RBFOX1: variants seen among roughly 807,000 people sequenced by gnomAD.
RBFOX1 encodes the protein RNA binding fox-1 homolog 1, also known as RNA binding protein fox-1 homolog 1.
A neutral mutation model predicts 57.7 loss-of-function variants in RBFOX1; 8 were observed. That is an observed-to-expected ratio of 0.14 (90% confidence interval 0.08 to 0.25). The LOEUF is 0.25. Among genes scored for constraint, RBFOX1 ranks in the 10% least tolerant of loss-of-function variants. The pLI, the probability that RBFOX1 is intolerant of heterozygous loss-of-function variation, is 1.00. For synonymous variants in RBFOX1, 326 were observed against 222.4 expected (o/e 1.47, Z -4.15); for missense variants, 611 against 548.5 (o/e 1.11, Z -1.14).
chr16:6,425,996 T>A (rs1477409753), intron 2 of RBFOX1, among the ~76,000 whole-genome samples: 1 of 152,132 alleles, frequency 6.6e-6, no homozygotes, highest in Non-Finnish European at 1.5e-5. Context: ...ACACCTCATC[T>A]ATTTAATGTT....
intron 4 of RBFOX1, among the ~76,000 whole-genome samples, chr16:7,218,864 C>G (rs2092487575): frequency 6.6e-6 from 1 of 152,076 alleles, no homozygotes; most frequent in Admixed American, 6.5e-5. Flanking sequence ...ACCTGACTCA[C>G]CCCTCCAGCC....
chr16:6,184,175 G>T (rs891166431), intron 1 of RBFOX1, among the ~76,000 whole-genome samples: 12 of 152,154 alleles, frequency 7.9e-5, no homozygotes, highest in Admixed American at 7.2e-4. Context: ...CCATGATTCA[G>T]TTACCTCCCA....
intron 4 of RBFOX1, among the ~76,000 whole-genome samples, chr16:7,187,690 C>CAAAAAAAA (rs536529201): frequency 1.8e-4 from 13 of 72,566 alleles, no homozygotes; most frequent in South Asian, 5.9e-4. Flanking sequence ...CTCTGTCTCA[C>CAAAAAAAA]AAAAAAAAAA....
At chr16:5,768,059 C>G (rs1351886443) in intron 3 of RBFOX1, among the ~76,000 whole-genome samples, 1 of 152,146 alleles carries the variant, frequency 6.6e-6, no homozygotes, top group East Asian at 1.9e-4. Context: ...TAACCCATTT[C>G]TATTTCCAAG....
At chr16:5,476,115 G>A in intron 2 of RBFOX1, among the ~76,000 whole-genome samples, 1 of 152,096 alleles carries the variant, frequency 6.6e-6, no homozygotes, top group Non-Finnish European at 1.5e-5. Context: ...CAGACTTTGA[G>A]ACCAGCACCA....
At chr16:5,434,798 A>G (rs1381012873) in intron 1 of RBFOX1, among the ~76,000 whole-genome samples, 1 of 152,178 alleles carries the variant, frequency 6.6e-6, no homozygotes, top group Non-Finnish European at 1.5e-5. Context: ...TTATATAACT[A>G]ATATCATTTA....
At chr16:7,010,177 C>G (rs2093583566) in intron 3 of RBFOX1, among the ~76,000 whole-genome samples, 1 of 152,358 alleles carries the variant, frequency 6.6e-6, no homozygotes, top group East Asian at 1.9e-4. Flanking sequence ...GCTGTGAATA[C>G]TATGAGGGTC....
At chr16:5,429,521 C>A (rs1485345740) in intron 1 of RBFOX1, among the ~76,000 whole-genome samples, 1 of 152,124 alleles carries the variant, frequency 6.6e-6, no homozygotes, top group African/African-American at 2.4e-5. Context: ...GGAGAGGGAC[C>A]CAAAGCACAG....
chr16:6,821,533 T>G (rs1385418116), intron 3 of RBFOX1, among the ~76,000 whole-genome samples: 1 of 152,200 alleles, frequency 6.6e-6, no homozygotes, highest in Non-Finnish European at 1.5e-5. Context: ...CCCATGCCTA[T>G]TAATCAGATG....
chr16:5,878,474 C>A (rs1310180754), intron 4 of RBFOX1, among the ~76,000 whole-genome samples: 1 of 152,158 alleles, frequency 6.6e-6, no homozygotes, highest in Non-Finnish European at 1.5e-5. Flanking sequence ...GTATTTGATT[C>A]TATGCAATTT....
intron 3 of RBFOX1, among the ~76,000 whole-genome samples, chr16:6,802,289 C>A (rs1200251592): frequency 1.3e-5 from 2 of 152,072 alleles, no homozygotes. Context: ...GTTAGTGAGA[C>A]CTGATTTGCC....
At chr16:7,614,266 T>C (rs1200159323) in intron 10 of RBFOX1, 1 of 152,230 alleles carries the variant, frequency 6.6e-6, no homozygotes, top group African/African-American at 2.4e-5. Context: ...AGCCTGGAAA[T>C]GTTCCACTTC....
chr16:6,697,825 AC>A (rs1176946173), intron 3 of RBFOX1, among the ~76,000 whole-genome samples: 2 of 152,196 alleles, frequency 1.3e-5, no homozygotes, highest in Non-Finnish European at 2.9e-5. Flanking sequence ...TACATGGCCC[AC>A]CTTTAGCCTT....
At chr16:5,841,381 A>G (rs959577702) in intron 3 of RBFOX1, among the ~76,000 whole-genome samples, 2 of 152,160 alleles carry the variant, frequency 1.3e-5, no homozygotes, top group African/African-American at 2.4e-5. Context: ...CCGATCATCC[A>G]TCTATCCATC....
chr16:7,473,423 T>G (rs1367029745), intron 4 of RBFOX1, among the ~76,000 whole-genome samples: 1 of 148,028 alleles, frequency 6.8e-6, no homozygotes, highest in African/African-American at 2.5e-5. Flanking sequence ...TATATATACA[T>G]AGTATATAAT....
intron 3 of RBFOX1, among the ~76,000 whole-genome samples, chr16:6,969,527 G>C (rs1287078464): frequency 6.6e-6 from 1 of 151,994 alleles, no homozygotes; most frequent in African/African-American, 2.4e-5. Flanking sequence ...TTGAGCTCGG[G>C]AGTTTGAGAC....
At chr16:5,257,417 G>A (rs1311340724) in intron 1 of RBFOX1, among the ~76,000 whole-genome samples, 1 of 152,206 alleles carries the variant, frequency 6.6e-6, no homozygotes, top group Non-Finnish European at 1.5e-5. Context: ...CTGCATTGCT[G>A]TAAACGTGCA....
chr16:6,961,950 G>C (rs370589047), intron 3 of RBFOX1, among the ~76,000 whole-genome samples: 1 of 128,210 alleles, frequency 7.8e-6, no homozygotes, highest in East Asian at 2.3e-4. Flanking sequence ...CAGACCTTCT[G>C]TCTCATCCTG....
At chr16:5,351,805 C>T (rs1433994180) in intron 1 of RBFOX1, among the ~76,000 whole-genome samples, 1 of 152,048 alleles carries the variant, frequency 6.6e-6, no homozygotes, top group Non-Finnish European at 1.5e-5. Flanking sequence ...CTCCATTCTT[C>T]TTCTTCTTAA....
Sources: allele counts gnomAD v4.1 joint callset (sites outside exome capture counted in the v4.1 genomes callset), GRCh38; gene constraint gnomAD v4.1.1; transcripts MANE v1.5; gene names NCBI Gene and HGNC (gene_info 2026-07-23, HGNC 2026-07-21).